KIF16B: variants seen among roughly 807,000 people sequenced by gnomAD.
KIF16B encodes the protein kinesin family member 16B.
Under a neutral mutation model 156.3 loss-of-function variants are expected in KIF16B, and 98 were observed. The observed-to-expected ratio is 0.63, with a 90% CI of 0.53 to 0.74. The LOEUF is 0.74. Ranked by LOEUF, KIF16B falls within the 30% of genes least tolerant of loss-of-function variation. The pLI is 0.00. For missense variants in KIF16B, 1,421 were observed against 1,606.5 expected (o/e 0.88, Z 1.97); for synonymous variants, 564 against 583.7 (o/e 0.97, Z 0.49).
chr20:16,290,175 C>G (rs1464007663), intron 25 of KIF16B, among the ~76,000 whole-genome samples: 1 of 152,182 alleles, frequency 6.6e-6, no homozygotes, highest in Non-Finnish European at 1.5e-5. Flanking sequence ...AAATGAGAAT[C>G]TTGCTGTGTG....
chr20:16,546,596 C>G (rs776114229), intron 1 of KIF16B, among the ~76,000 whole-genome samples: 2 of 152,092 alleles, frequency 1.3e-5, no homozygotes, highest in Non-Finnish European at 2.9e-5. Flanking sequence ...ATAAATGTTG[C>G]CAAGTCTTCT....
chr20:16,376,327 G>A (rs1437051654), intron 19 of KIF16B, among the ~76,000 whole-genome samples: 1 of 152,188 alleles, frequency 6.6e-6, no homozygotes, highest in Non-Finnish European at 1.5e-5. Context: ...AGGAAAAAAG[G>A]CAGGAAAATG....
At chr20:16,477,967 C>T (rs968450127) in intron 12 of KIF16B, among the ~76,000 whole-genome samples, 1 of 152,084 alleles carries the variant, frequency 6.6e-6, no homozygotes, top group South Asian at 2.1e-4. Context: ...CTCCAGACCA[C>T]GGCAATGGAA....
At position 16,335,848 on chromosome 20, in the gene KIF16B, T is replaced by A. The variant is rs537151377; in HGVS notation, c.3711+78A>T. The A allele has an allele frequency of 2.4e-5, 21 of 862,722 alleles. No individual in the cohort carries two copies. The East Asian group carries it at 4.9e-4, about 20-fold the overall frequency. The allele number at this position is 862,722 out of a possible 1,614,324, so 53.4% of individuals were successfully genotyped here. A position where few individuals can be genotyped will look rare whatever the true frequency, so the allele number is the denominator to read the frequency against. On this transcript the variant is annotated intron_variant, in intron 24 of 25. Transcript: ENST00000354981. ...TGAAAGAGAGAGACAGAGAGAGAGA[T>A]AACATTGCTAATGCAATCAGCTCAT...
intron 1 of KIF16B, among the ~76,000 whole-genome samples, chr20:16,529,197 T>C (rs2069659156): frequency 6.6e-6 from 1 of 152,146 alleles, no homozygotes; most frequent in Non-Finnish European, 1.5e-5. Context: ...AAAGGGAAAT[T>C]GAGGATAAGG....
chr20:16,450,690 G>T (rs1568548935), intron 12 of KIF16B, among the ~76,000 whole-genome samples: 1 of 152,164 alleles, frequency 6.6e-6, no homozygotes, highest in Admixed American at 6.5e-5. Context: ...CTGGGGTTTG[G>T]AACCACAGCA....
chr20:16,466,855 A>C (rs1368646351), intron 12 of KIF16B, among the ~76,000 whole-genome samples: 3 of 152,196 alleles, frequency 2.0e-5, no homozygotes, highest in Non-Finnish European at 4.4e-5. Context: ...CCATGTGGAC[A>C]AGTCTGAGAG....
intron 15 of KIF16B, among the ~76,000 whole-genome samples, chr20:16,414,226 T>C (rs929605250): frequency 2.0e-5 from 3 of 152,012 alleles, no homozygotes; most frequent in Non-Finnish European, 4.4e-5. Flanking sequence ...AGATGGAACA[T>C]GGTGTCTGTG....
intron 3 of KIF16B, among the ~76,000 whole-genome samples, chr20:16,521,944 T>C (rs2069367748): frequency 6.6e-6 from 1 of 152,106 alleles, no homozygotes; most frequent in Non-Finnish European, 1.5e-5. Context: ...AAAGAAGAAA[T>C]AAAATCCTTT....
chr20:16,523,002 C>G (rs1053911086), intron 3 of KIF16B, among the ~76,000 whole-genome samples: 1 of 152,158 alleles, frequency 6.6e-6, no homozygotes, highest in African/African-American at 2.4e-5. Context: ...GCTAAAAACT[C>G]TCAATAAACT....
At chr20:16,472,040 A>G (rs577627221) in intron 12 of KIF16B, among the ~76,000 whole-genome samples, 108 of 152,366 alleles carry the variant, frequency 7.1e-4, no homozygotes, top group African/African-American at 2.4e-3. Context: ...AATTACAACC[A>G]TAGCTACTGT....
Position 16,425,575 on chromosome 20 carries a change from G to T in KIF16B, c.1612+1529C>A, listed in dbSNP as rs1401563107. On this transcript the variant is annotated intron_variant, in intron 15 of 25. Transcript: ENST00000354981. The stretch of plus-strand genomic sequence containing the variant: ...GGAATGGAAAATTTACAATATCAAA[G>T]TACCTTCAATCTCATAGTACTTTCC... Among the ~76,000 whole-genome samples the T allele has an allele frequency of 2.0e-5, 3 of 152,076 alleles. No individual in the cohort carries two copies. The East Asian group carries it at 5.8e-4, about 29-fold the overall frequency.
intron 10 of KIF16B, among the ~76,000 whole-genome samples, chr20:16,498,260 G>A (rs1393496113): frequency 6.6e-6 from 1 of 152,110 alleles, no homozygotes; most frequent in Admixed American, 6.5e-5. Flanking sequence ...AGACAAGAGA[G>A]GGAAACGGAA....
At chr20:16,476,868 C>G (rs1221515195) in intron 12 of KIF16B, among the ~76,000 whole-genome samples, 2 of 152,170 alleles carry the variant, frequency 1.3e-5, no homozygotes, top group African/African-American at 2.4e-5. Context: ...AAGTGATCCT[C>G]CTGCCTCAGC....
At chr20:16,439,589 C>T (rs557185392) in intron 12 of KIF16B, among the ~76,000 whole-genome samples, 92 of 152,224 alleles carry the variant, frequency 6.0e-4, no homozygotes, top group African/African-American at 2.1e-3. Context: ...CTGTTCTATT[C>T]GGGACCAAAG....
chr20:16,506,039 T>G lies in KIF16B; in HGVS notation c.851A>C (p.Asn284Thr). 1.9e-6 allele frequency: 3 copies of G among 1,614,154 alleles called. No individual in the cohort carries two copies. Among genetic ancestry groups the G allele is most frequent in the Non-Finnish European group, 2.5e-6 (3 of 1,180,006 alleles). The change falls in exon 8 of 26, where the codon AAC becomes ACC. Residue 284 changes from asparagine (N) to threonine (T), a missense_variant. Asn to Thr is a moderately conservative substitution (Grantham distance 65). Coordinates refer to ENST00000354981, the MANE Select transcript of KIF16B (RefSeq NM_024704.5). ...AAGCATACCTAAGGCAGAAATGACG[T>G]TCCCCAGAGTCACGAGGGACTTGTT... ...NINKSLVTLG[N>T]VISALADLSQ... is the part of the protein sequence containing the mutation.
At chr20:16,354,796 G>C (rs995624341) in intron 23 of KIF16B, among the ~76,000 whole-genome samples, 1 of 152,058 alleles carries the variant, frequency 6.6e-6, no homozygotes, top group Non-Finnish European at 1.5e-5. Flanking sequence ...AACACAAAAA[G>C]TCAGCCGGAC....
At chr20:16,279,074 C>T (rs1462602986) in intron 25 of KIF16B, among the ~76,000 whole-genome samples, 2 of 152,212 alleles carry the variant, frequency 1.3e-5, no homozygotes, top group Non-Finnish European at 2.9e-5. Flanking sequence ...ATCTCCCTTA[C>T]AGTGCCTTGG....
intron 12 of KIF16B, among the ~76,000 whole-genome samples, chr20:16,447,528 T>C (rs1036515672): frequency 1.3e-5 from 2 of 151,876 alleles, no homozygotes; most frequent in African/African-American, 4.8e-5. Flanking sequence ...AATCCCAACA[T>C]TTTGGAGGCC....
Sources: gnomAD v4.1 joint callset for allele counts (sites outside exome capture counted in the v4.1 genomes callset) on GRCh38, gnomAD v4.1.1 for gene constraint, MANE v1.5 for transcripts, NCBI Gene and HGNC (gene_info 2026-07-23, HGNC 2026-07-21) for gene names.